The following ANK1 variants were observed in gnomAD, a reference collection of about 807,000 sequenced individuals.
ANK1 encodes ankyrin 1.
ANK1 carries 51 observed loss-of-function variants against 210.4 expected under a neutral mutation model. The ratio of observed to expected loss-of-function variants is 0.24; its 90% CI spans 0.19 to 0.31. The LOEUF is 0.31. Among genes scored for constraint, ANK1 ranks in the 10% least tolerant of loss-of-function variants. The pLI is 1.00. For missense variants in ANK1, 2,051 were observed against 2,504.4 expected (o/e 0.82, Z 3.86); for synonymous variants, 967 against 1,025.9 (o/e 0.94, Z 1.10).
At chr8:41,723,448 G>T in intron 8 of ANK1, 87 bp downstream of exon 8, 1 of 1,482,238 alleles carries the variant, frequency 6.7e-7, no homozygotes, top group Non-Finnish European at 9.4e-7. Context: ...TCCCTAACTA[G>T]GTCACCAAGG....
chr8:41,741,532 A>C (rs1834796726), intron 2 of ANK1, among the ~76,000 whole-genome samples: 1 of 150,860 alleles, frequency 6.6e-6, no homozygotes, highest in South Asian at 2.1e-4. Context: ...GTGAGCTATG[A>C]TTGCACCACT....
chr8:41,823,570 G>A (rs1587225782), intron 1 of ANK1, among the ~76,000 whole-genome samples: 1 of 151,840 alleles, frequency 6.6e-6, no homozygotes. Context: ...ACCAGCCTGG[G>A]CAACACAGCA....
intron 16 of ANK1, among the ~76,000 whole-genome samples, chr8:41,713,508 C>T (rs142551879): frequency 1.7e-3 from 266 of 152,348 alleles, no homozygotes; most frequent in African/African-American, 6.3e-3. Flanking sequence ...AGCTCGCCTC[C>T]GAAGCTGGTG....
intron 1 of ANK1, among the ~76,000 whole-genome samples, chr8:41,847,619 A>G (rs1810309791): frequency 6.6e-6 from 1 of 152,194 alleles, no homozygotes; most frequent in Non-Finnish European, 1.5e-5. Flanking sequence ...TTCATTTTAC[A>G]CATGCAGAGA....
Position 41,692,819 on chromosome 8 carries a change from C to T in ANK1, c.3687G>A (p.Leu1229=). The T allele has an allele frequency of 6.2e-7, 1 of 1,614,136 alleles. No homozygotes were observed. The change falls in exon 31 of 43, where the codon CTG becomes CTA. Residue 1229 remains leucine, a synonymous_variant. Transcript: ENST00000289734. The part of the protein sequence containing the change: ...TAEAVNFATL[L]YKELTAVPYM... The stretch of plus-strand genomic sequence containing the variant: ...AGGGCACTGCAGTGAGCTCTTTGTA[C>T]AGCAGGGTGGCAAAGTTCACAGCCT...
chr8:41,731,210 T>C (rs980312158), intron 3 of ANK1, among the ~76,000 whole-genome samples: 1 of 152,244 alleles, frequency 6.6e-6, no homozygotes, highest in Non-Finnish European at 1.5e-5. Flanking sequence ...CTCTATTTTC[T>C]CTGCCCCTCC....
At chr8:41,712,176 C>T (rs894724660) in intron 16 of ANK1, among the ~76,000 whole-genome samples, 3 of 152,162 alleles carry the variant, frequency 2.0e-5, no homozygotes, top group Non-Finnish European at 4.4e-5. Flanking sequence ...CTGCCTGTCT[C>T]GGCCTCCCAA....
At chr8:41,719,584 G>A in intron 10 of ANK1, 77 bp downstream of exon 10, 2 of 1,591,056 alleles carry the variant, frequency 1.3e-6, no homozygotes, top group Admixed American at 1.7e-5. Context: ...CTTCCCACAG[G>A]CCCAGCCATG....
chr8:41,798,929 G>C (rs1398191942), upstream of ANK1, among the ~76,000 whole-genome samples: 1 of 152,152 alleles, frequency 6.6e-6, no homozygotes, highest in African/African-American at 2.4e-5. Context: ...CTTGCCATGA[G>C]GGCACAGCTG....
In ANK1 at chr8:41,887,064, C is replaced by A. The variant is rs553257834; in HGVS notation, c.126+9291G>T. On this transcript the variant is annotated intron_variant, in intron 1 of 42. Coordinates refer to the ANK1 transcript ENST00000265709. ...GCTCTAGTCCACAGCACCTTGGAAT[C>A]CCTTACTGAGGGTGTGGCATCAGCT... 7.4e-4 allele frequency among the ~76,000 whole-genome samples: 113 copies of A among 152,226 alleles called. 2 individuals carry two copies. In the South Asian group the frequency reaches 0.018, roughly 25 times the overall value.
chr8:41,841,273 T>C (rs183685594), intron 1 of ANK1, among the ~76,000 whole-genome samples: 45 of 152,300 alleles, frequency 3.0e-4, no homozygotes, highest in Non-Finnish European at 5.9e-4. Context: ...CTTAGTGAAA[T>C]AAGCCAGGCC....
intron 37 of ANK1, among the ~76,000 whole-genome samples, chr8:41,676,372 C>T (rs548710502): frequency 4.1e-4 from 62 of 152,258 alleles, no homozygotes; most frequent in Non-Finnish European, 7.6e-4. Context: ...GCTTATTTGC[C>T]ATGTGTATAT....
intron 1 of ANK1, among the ~76,000 whole-genome samples, chr8:41,852,861 G>A (rs1299699432): frequency 1.3e-5 from 2 of 152,212 alleles, no homozygotes; most frequent in Non-Finnish European, 2.9e-5. Flanking sequence ...AGTCTTCCCT[G>A]AGGAAGGTTT....
chr8:41,808,723 AACCC>A (rs1851339538), intron 1 of ANK1, among the ~76,000 whole-genome samples: 1 of 152,152 alleles, frequency 6.6e-6, no homozygotes, highest in African/African-American at 2.4e-5. Flanking sequence ...TGTTTCATTT[AACCC>A]ACCCCCTACT....
Position 41,715,029 on chromosome 8 carries a change from G to C in ANK1, c.1648C>G (p.Arg550Gly). 6.2e-7 allele frequency: 1 copy of C among 1,614,062 alleles called. No homozygotes were observed. The highest frequency in any genetic ancestry group is 2.2e-5 in the East Asian group (1 of 44,870). Reference sequence around the variant, plus strand: ...CGCTCCAGCAGCAGCTCTGCCACCCGCACCTTCCCGTACTTGGCCGCCACG... The same window carrying C: ...CGCTCCAGCAGCAGCTCTGCCACCCCCACCTTCCCGTACTTGGCCGCCACG... Reference protein sequence around the residue: ...LHVAAKYGKVRVAELLLERDA... With the variant: ...LHVAAKYGKVGVAELLLERDA... The change falls in exon 15 of 43, where the codon CGG becomes GGG. Residue 550 changes from arginine (R) to glycine (G), a missense_variant. By Grantham distance (125) the Arg-to-Gly change is moderately radical. This residue lies in a region of ANK1 where 1,413 missense variants were observed against 1,707.4 expected (regional missense o/e 0.83). Transcript: ENST00000289734.
intron 2 of ANK1, among the ~76,000 whole-genome samples, chr8:41,757,395 G>A (rs547796216): frequency 6.6e-6 from 1 of 152,158 alleles, no homozygotes; most frequent in African/African-American, 2.4e-5. Flanking sequence ...CTTCCTGGAG[G>A]GTCATTGCCT....
intron 1 of ANK1, among the ~76,000 whole-genome samples, chr8:41,846,458 CGT>C (rs1304252825): frequency 6.6e-6 from 1 of 152,212 alleles, no homozygotes; most frequent in Non-Finnish European, 1.5e-5. Context: ...CTCGTGCAGA[CGT>C]GTGTCACCTG....
intron 1 of ANK1, among the ~76,000 whole-genome samples, chr8:41,894,041 C>T (rs746642627): frequency 4.6e-5 from 7 of 152,012 alleles, no homozygotes; most frequent in Non-Finnish European, 7.4e-5. Flanking sequence ...TTCAATTTTG[C>T]TATAAATTTT....
At chr8:41,857,190 T>C (rs1812355751) in intron 1 of ANK1, among the ~76,000 whole-genome samples, 1 of 151,750 alleles carries the variant, frequency 6.6e-6, no homozygotes, top group African/African-American at 2.4e-5. Context: ...TCTTTTTTTT[T>C]TTTTTCTCCC....
Sources: gnomAD v4.1 joint callset for allele counts (sites outside exome capture counted in the v4.1 genomes callset) on GRCh38, gnomAD v4.1.1 for gene constraint, gnomAD v4.1.1 regional missense constraint, MANE v1.5 for transcripts, NCBI Gene and HGNC (gene_info 2026-07-23, HGNC 2026-07-21) for gene names.